MAP7: variants seen among roughly 807,000 people sequenced by gnomAD.
MAP7 encodes microtubule associated protein 7, also known as ensconsin.
MAP7 carries 52 observed loss-of-function variants against 94.8 expected under a neutral mutation model. The observed-to-expected ratio is 0.55, with a 90% CI of 0.44 to 0.69. The LOEUF is 0.69. Among genes scored for constraint, MAP7 ranks in the 30% least tolerant of loss-of-function variants. The pLI, the probability that MAP7 is intolerant of heterozygous loss-of-function variation, is 0.00. For synonymous variants in MAP7, 350 were observed against 357.0 expected (o/e 0.98, Z 0.22); for missense variants, 940 against 964.6 (o/e 0.97, Z 0.34).
chr6:136,368,500 A>G (rs1343062604), intron 8 of MAP7, among the ~76,000 whole-genome samples: 7 of 152,242 alleles, frequency 4.6e-5, no homozygotes, highest in Admixed American at 4.6e-4. Flanking sequence ...ACTGACAGAT[A>G]CTTTAACGCA....
At chr6:136,403,245 C>A (rs1161657310) in intron 3 of MAP7, among the ~76,000 whole-genome samples, 1 of 152,184 alleles carries the variant, frequency 6.6e-6, no homozygotes, top group Non-Finnish European at 1.5e-5. Flanking sequence ...AATCATATGA[C>A]CTGCCATCCT....
At chr6:136,458,427 C>A (rs551523439) in intron 1 of MAP7, among the ~76,000 whole-genome samples, 1 of 151,982 alleles carries the variant, frequency 6.6e-6, no homozygotes, top group Non-Finnish European at 1.5e-5. Context: ...GAAAAACAGT[C>A]CTATAATTCA....
intron 1 of MAP7, among the ~76,000 whole-genome samples, chr6:136,487,056 T>A (rs1485977536): frequency 6.6e-6 from 1 of 152,078 alleles, no homozygotes; most frequent in Non-Finnish European, 1.5e-5. Flanking sequence ...ATAAACCACC[T>A]ATGGAAGGGG....
intron 2 of MAP7, among the ~76,000 whole-genome samples, chr6:136,414,121 C>T (rs1340067266): frequency 6.0e-5 from 9 of 150,902 alleles, no homozygotes; most frequent in African/African-American, 1.9e-4. Flanking sequence ...GGCGTGGTAG[C>T]GGGCGCCTGT....
At chr6:136,530,290 C>T (rs1021794175) in intron 1 of MAP7, among the ~76,000 whole-genome samples, 4 of 152,136 alleles carry the variant, frequency 2.6e-5, no homozygotes, top group African/African-American at 9.7e-5. Context: ...ACAAGTTCCA[C>T]GTATGTATAA....
intron 1 of MAP7, among the ~76,000 whole-genome samples, chr6:136,446,562 C>T (rs1196213797): frequency 6.6e-6 from 1 of 152,168 alleles, no homozygotes; most frequent in Non-Finnish European, 1.5e-5. Flanking sequence ...TGGGGAGGTG[C>T]AGGGGGGCGC....
intron 1 of MAP7, among the ~76,000 whole-genome samples, chr6:136,518,954 T>C (rs1488087372): frequency 6.6e-6 from 1 of 152,226 alleles, no homozygotes; most frequent in African/African-American, 2.4e-5. Context: ...TAGTTTTATA[T>C]AGCAAGCAAA....
Position 136,360,698 on chromosome 6 carries a change from T to A in MAP7, c.1802A>T (p.Lys601Met). 6.2e-7 allele frequency: 1 copy of A among 1,614,068 alleles called. No homozygotes were observed. The highest frequency in any genetic ancestry group is 8.5e-7 in the Non-Finnish European group (1 of 1,179,982). Residue 601 changes from lysine (K) to methionine (M), a missense_variant and splice_region_variant, in exon 13 of 18, where the codon AAG (lysine) becomes ATG (methionine). Transcript: ENST00000354570. ...GCCTCTCTACTAAGACGCAGCTACC[T>A]TCTTTCTCTCCAGGCGCTCTTGCTC... is the stretch of plus-strand genomic sequence containing the variant. Reference protein sequence around the residue: ...REEQERLERKKRLEEIMKRTR... With the variant: ...REEQERLERKMRLEEIMKRTR...
chr6:136,548,050 A>C (rs2129063277), intron 1 of MAP7, among the ~76,000 whole-genome samples: 1 of 151,428 alleles, frequency 6.6e-6, no homozygotes, highest in East Asian at 1.9e-4. Flanking sequence ...GCAATTTTCA[A>C]CTCTTGATGG....
intron 3 of MAP7, among the ~76,000 whole-genome samples, chr6:136,397,169 C>G (rs563003281): frequency 6.6e-6 from 1 of 151,954 alleles, no homozygotes; most frequent in South Asian, 2.1e-4. Flanking sequence ...AAACTTATTG[C>G]TAAATATAGG....
Position 136,468,728 on chromosome 6 carries a change from T to C in MAP7, c.68-46929A>G, listed in dbSNP as rs115283110. ...TGGGTACTCAAAGTGTGTTTTCTAC[T>C]GAATGCATATGGCTTTCACACCATC... On this transcript the variant is annotated intron_variant, in intron 1 of 17. Transcript: ENST00000354570. 5.7e-3 allele frequency among the ~76,000 whole-genome samples: 869 copies of C among 152,326 alleles called. 6 individuals are homozygous for C. Among genetic ancestry groups the C allele is most frequent in the African/African-American group, 0.019 (783 of 41,564 alleles).
At chr6:136,488,570 G>A (rs966756247) in intron 1 of MAP7, among the ~76,000 whole-genome samples, 6 of 150,964 alleles carry the variant, frequency 4.0e-5, no homozygotes, top group Non-Finnish European at 7.4e-5. Context: ...TCAGCCTCCC[G>A]AGTAGCTGGG....
chr6:136,454,713 T>C (rs1205759697), intron 1 of MAP7, among the ~76,000 whole-genome samples: 1 of 151,926 alleles, frequency 6.6e-6, no homozygotes, highest in Non-Finnish European at 1.5e-5. Context: ...AAGATCAGCC[T>C]GGGCAACACG....
chr6:136,469,355 C>T (rs1438260524), intron 1 of MAP7, among the ~76,000 whole-genome samples: 3 of 149,440 alleles, frequency 2.0e-5, no homozygotes, highest in African/African-American at 4.9e-5. Context: ...TTCTTGCTTG[C>T]TTGCTTTCTC....
chr6:136,462,954 CA>C (rs5880296), intron 1 of MAP7, among the ~76,000 whole-genome samples: 45 of 124,872 alleles, frequency 3.6e-4, no homozygotes, highest in Middle Eastern at 3.9e-3. Context: ...GATCCTATCT[CA>C]AAAAAAAAAA....
At chr6:136,364,306 G>T in intron 10 of MAP7, 1 of 506,342 alleles carries the variant, frequency 2.0e-6, no homozygotes, top group Non-Finnish European at 3.9e-6. Flanking sequence ...GTTGACATGG[G>T]GAGCCTCATC....
intron 3 of MAP7, among the ~76,000 whole-genome samples, chr6:136,393,985 T>A (rs1260921622): frequency 2.1e-5 from 3 of 143,022 alleles, no homozygotes; most frequent in South Asian, 2.3e-4. Flanking sequence ...GGTATTTTTT[T>A]TTTTTTTTTT....
intron 8 of MAP7, 92 bp from the exon 9 acceptor site, chr6:136,366,531 G>A: frequency 2.2e-6 from 2 of 889,784 alleles, no homozygotes; most frequent in South Asian, 1.4e-5. Context: ...ACCATTGAAT[G>A]ACTTTTAAGA....
At chr6:136,445,599 C>A (rs1450577063) in intron 1 of MAP7, among the ~76,000 whole-genome samples, 2 of 152,180 alleles carry the variant, frequency 1.3e-5, no homozygotes, top group Non-Finnish European at 2.9e-5. Flanking sequence ...AAAGATCTCA[C>A]TTAGGTACCA....
Sources: gnomAD v4.1 joint callset for allele counts (sites outside exome capture counted in the v4.1 genomes callset) on GRCh38, gnomAD v4.1.1 for gene constraint, MANE v1.5 for transcripts, NCBI Gene and HGNC (gene_info 2026-07-23, HGNC 2026-07-21) for gene names.